Variants in EIF4A3 observed in about 807,000 individuals in gnomAD.
EIF4A3 encodes eukaryotic initiation factor 4A-III.
EIF4A3 carries 1 observed loss-of-function variant against 55.6 expected under a neutral mutation model. The ratio of observed to expected loss-of-function variants is 0.02; its 90% CI spans 0.01 to 0.09. The LOEUF is 0.09. Among genes scored for constraint, EIF4A3 ranks in the 10% least tolerant of loss-of-function variants. The probability of loss-of-function intolerance (pLI) is 1.00; values close to 1 mark genes in which losing one functional copy is unlikely to be tolerated. For synonymous variants in EIF4A3, 194 were observed against 196.3 expected, an observed-to-expected ratio of 0.99 and a Z score of 0.10; for missense variants, 221 against 540.7, an observed-to-expected ratio of 0.41 and a Z score of 5.86.
At chr17:80,137,698 C>T in intron 8 of EIF4A3, 197 bp from the exon 9 acceptor site, 1 of 551,836 alleles carries the variant, frequency 1.8e-6, no homozygotes, top group Non-Finnish European at 3.2e-6. Context: ...AACCCTCTTA[C>T]TTCATTTTCT....
chr17:80,139,646 G>C (rs186804839), intron 6 of EIF4A3, 24 bp downstream of exon 6: 1 of 1,589,046 alleles, frequency 6.3e-7, no homozygotes, highest in Non-Finnish European at 8.6e-7. Context: ...GTCAGTAGAA[G>C]AGTAATTCTT....
chr17:80,139,826 CAAGA>C, intron 5 of EIF4A3, 76 bp from the exon 6 acceptor site: 4 of 1,521,354 alleles, frequency 2.6e-6, no homozygotes, highest in Non-Finnish European at 2.7e-6. Context: ...CTGAGGCTCC[CAAGA>C]AAGAGCTCAT....
At chr17:80,136,428 T>A (rs1226409730) in intron 9 of EIF4A3, 93 bp from the exon 10 acceptor site, 6 of 999,904 alleles carry the variant, frequency 6.0e-6, no homozygotes, top group Non-Finnish European at 9.0e-6. Flanking sequence ...GAATCCTGGC[T>A]GCAGGTCCAA....
intron 1 of EIF4A3, among the ~76,000 whole-genome samples, chr17:80,146,582 G>C (rs1463167583): frequency 2.0e-5 from 3 of 152,124 alleles, no homozygotes; most frequent in Non-Finnish European, 2.9e-5. Flanking sequence ...AGCTCTGCAC[G>C]GGGGACACAC....
At chr17:80,142,554 G>A (rs1037733399) in intron 2 of EIF4A3, among the ~76,000 whole-genome samples, 1 of 152,134 alleles carries the variant, frequency 6.6e-6, no homozygotes, top group Non-Finnish European at 1.5e-5. Flanking sequence ...GACCAGCCTG[G>A]GCAATACAGC....
chr17:80,138,634 T>G (rs1324959887), intron 7 of EIF4A3: 1 of 331,448 alleles, frequency 3.0e-6, no homozygotes, highest in Non-Finnish European at 5.6e-6. Flanking sequence ...TCTTGCTCTG[T>G]TGCCCTGGCT....
intron 7 of EIF4A3, chr17:80,138,609 T>C: frequency 5.7e-6 from 2 of 351,560 alleles, no homozygotes; most frequent in Non-Finnish European, 5.3e-6. Flanking sequence ...TTGTTTTGTT[T>C]TGTTTGAGAC....
At chr17:80,140,190 C>A (rs192836413) in intron 4 of EIF4A3, 50 bp from the exon 5 acceptor site, 1 of 1,455,472 alleles carries the variant, frequency 6.9e-7, no homozygotes. Context: ...GAAACATCCA[C>A]GTTTTCCAAA....
At chr17:80,145,058 C>T (rs1437035805) in intron 1 of EIF4A3, among the ~76,000 whole-genome samples, 1 of 152,172 alleles carries the variant, frequency 6.6e-6, no homozygotes, top group Non-Finnish European at 1.5e-5. Context: ...CCCATCTTAA[C>T]ACAAATGCAA....
intron 9 of EIF4A3, 53 bp downstream of exon 9, chr17:80,137,333 T>C (rs2039579157): frequency 3.9e-6 from 6 of 1,527,840 alleles, no homozygotes; most frequent in East Asian, 2.3e-5. Context: ...ATGAAGTGCT[T>C]AGACACAGTC....
At position 80,141,864 on chromosome 17, in the gene EIF4A3, A is replaced by G; in HGVS notation, c.243-16T>C. Reference sequence around the variant, plus strand: ...GGACTGAGACCTATTCAAGGAAACAAAAGCAGTGGGATTAGAGGGAGGACA... The same window carrying G: ...GGACTGAGACCTATTCAAGGAAACAGAAGCAGTGGGATTAGAGGGAGGACA... On this transcript the variant is annotated splice_polypyrimidine_tract_variant and intron_variant, in intron 2 of 11. Coordinates refer to ENST00000649764, the MANE Select transcript of EIF4A3 (RefSeq NM_014740.4). 6.2e-7 allele frequency: 1 copy of G among 1,612,888 alleles called. No individual in the cohort carries two copies. The highest frequency in any genetic ancestry group is 8.5e-7 in the Non-Finnish European group (1 of 1,179,034).
intron 2 of EIF4A3, 53 bp downstream of exon 2, chr17:80,144,119 C>A (rs2039639762): frequency 1.3e-6 from 2 of 1,568,574 alleles, no homozygotes; most frequent in East Asian, 4.5e-5. Flanking sequence ...TCTAACTGCA[C>A]TGCGCTGCCC....
chr17:80,146,934 A>G lies in EIF4A3; in HGVS notation c.28T>C (p.Ser10Pro). The G allele has an allele frequency of 1.9e-6, 3 of 1,608,294 alleles. No homozygotes were observed. Among genetic ancestry groups the G allele is most frequent in the Non-Finnish European group, 2.5e-6 (3 of 1,178,206 alleles). Reference protein sequence around the residue: MATTATMATSGSARKRLLKE... With the variant: MATTATMATPGSARKRLLKE... ...AGCAGCCGCTTTCGCGCCGAGCCCG[A>G]GGTCGCCATCGTGGCCGTGGTCGCC... Residue 10 changes from serine to proline, a missense_variant, in exon 1 of 12, where the codon TCG becomes CCG. Physicochemically the swap from Ser to Pro is moderately conservative, Grantham distance 74. Transcript: ENST00000649764.
chr17:80,141,836 G>A lies in EIF4A3; in HGVS notation c.255C>T (p.Gly85=), dbSNP rs1327584123. The A allele has an allele frequency of 6.2e-7, 1 of 1,613,930 alleles. No homozygotes were observed. The highest frequency in any genetic ancestry group is 8.5e-7 in the Non-Finnish European group (1 of 1,179,948). ...TACTGAAGGTGGCTGTTTTTCCTGT[G>A]CCGGACTGAGACCTATTCAAGGAAA... The part of the protein sequence containing the change: ...GRDVIAQSQS[G]TGKTATFSIS... The change falls in exon 3 of 12, where the codon GGC becomes GGT. Residue 85 remains glycine, a synonymous_variant. Coordinates refer to ENST00000649764, the MANE Select transcript of EIF4A3 (RefSeq NM_014740.4).
Position 80,147,084 on chromosome 17 carries a change from G to T in EIF4A3, c.-123C>A, listed in dbSNP as rs986558421. 7.5e-7 allele frequency: 1 copy of T among 1,326,446 alleles called. No homozygotes were observed. Among genetic ancestry groups the T allele is most frequent in the African/African-American group, 1.8e-5 (1 of 57,138 alleles). 82.2% of individuals were successfully genotyped at this position (1,326,446 alleles called of 1,614,324 possible). The stretch of plus-strand genomic sequence containing the variant: ...ACCTCGCTGTGCCGCTGCCGACCTC[G>T]CTGTGCCGCTGCCGACCTCGCTGTG... On this transcript the variant is annotated 5_prime_UTR_variant, in exon 1 of 12. Coordinates refer to ENST00000649764, the MANE Select transcript of EIF4A3 (RefSeq NM_014740.4).
Position 80,144,162 on chromosome 17 carries a change from G to C in EIF4A3, c.242+10C>G. ...CATCCAGCCCTGCGCCGCACCCCAG[G>C]ACAACTTACTGTGCGATGACATCTC... On this transcript the variant is annotated intron_variant, in intron 2 of 11. Transcript: ENST00000649764. The C allele has an allele frequency of 6.2e-7, 1 of 1,613,992 alleles. No individual in the cohort carries two copies. The highest frequency in any genetic ancestry group is 8.5e-7 in the Non-Finnish European group (1 of 1,179,954).
chr17:80,145,101 G>C (rs1204823827), intron 1 of EIF4A3, among the ~76,000 whole-genome samples: 1 of 152,214 alleles, frequency 6.6e-6, no homozygotes, highest in Non-Finnish European at 1.5e-5. Flanking sequence ...TTCATGAAGA[G>C]CAAGCACATA....
intron 7 of EIF4A3, 152 bp downstream of exon 7, chr17:80,138,869 T>C: frequency 3.9e-6 from 4 of 1,028,046 alleles, no homozygotes; most frequent in South Asian, 3.2e-5. Flanking sequence ...TCCTTTACAC[T>C]CAGGCAAGAG....
chr17:80,136,561 CA>C, intron 9 of EIF4A3: 1 of 538,870 alleles, frequency 1.9e-6, no homozygotes, highest in East Asian at 2.9e-5. Context: ...TGTGCTCCAT[CA>C]GATTAAAAAA....
Sources: allele counts gnomAD v4.1 joint callset (sites outside exome capture counted in the v4.1 genomes callset), GRCh38; gene constraint gnomAD v4.1.1; transcripts MANE v1.5; gene names NCBI Gene and HGNC (gene_info 2026-07-23, HGNC 2026-07-21).